The following CDIN1 variants were observed in gnomAD, a reference collection of about 807,000 sequenced individuals.
CDIN1 encodes CDAN1-interacting nuclease 1.
CDIN1 carries 33 observed loss-of-function variants against 45.3 expected under a neutral mutation model. The observed-to-expected ratio is 0.73, with a 90% confidence interval of 0.55 to 0.97. The LOEUF (loss-of-function observed/expected upper bound fraction) is 0.97, where lower values mean the gene tolerates loss of function less well. CDIN1 is among the 50% of genes least tolerant of loss of function. The probability of loss-of-function intolerance (pLI) is 0.00; values close to 1 mark genes in which losing one functional copy is unlikely to be tolerated. For synonymous variants in CDIN1, 118 were observed against 124.4 expected (o/e 0.95, Z 0.34); for missense variants, 303 against 339.4 (o/e 0.89, Z 0.84).
intron 3 of CDIN1, among the ~76,000 whole-genome samples, chr15:36,650,789 A>G (rs534297863): frequency 3.9e-5 from 6 of 152,290 alleles, no homozygotes; most frequent in South Asian, 4.1e-4. Context: ...TCTGTTAACC[A>G]TGATGAAATC....
chr15:36,756,185 A>T (rs2053604871), intron 10 of CDIN1: 1 of 454,012 alleles, frequency 2.2e-6, no homozygotes, highest in Non-Finnish European at 4.4e-6. Flanking sequence ...AGAGAACTGT[A>T]ATTATCTTAA....
intron 10 of CDIN1, among the ~76,000 whole-genome samples, chr15:36,786,473 T>C (rs1354716112): frequency 6.6e-6 from 1 of 152,196 alleles, no homozygotes; most frequent in African/African-American, 2.4e-5. Context: ...TGTGACAATC[T>C]CTCATTTTTA....
At chr15:36,657,749 T>G in intron 4 of CDIN1, 84 bp from the exon 5 acceptor site, 1 of 1,051,350 alleles carries the variant, frequency 9.5e-7, no homozygotes, top group Middle Eastern at 2.0e-4. Context: ...AAAATTGACT[T>G]ATTCTTCAGT....
At chr15:36,717,987 CT>C (rs775744144) in intron 10 of CDIN1, among the ~76,000 whole-genome samples, 3 of 151,500 alleles carry the variant, frequency 2.0e-5, no homozygotes, top group Non-Finnish European at 4.4e-5. Flanking sequence ...GGAAAAGTTT[CT>C]CTTGAAATCT....
intron 10 of CDIN1, among the ~76,000 whole-genome samples, chr15:36,763,122 A>G (rs914803702): frequency 5.4e-4 from 82 of 152,266 alleles, no homozygotes; most frequent in Middle Eastern, 3.4e-3. Context: ...GTGTAAAAGT[A>G]TTCCTATTTC....
At chr15:36,749,222 G>A (rs970247721) in intron 10 of CDIN1, among the ~76,000 whole-genome samples, 1 of 152,158 alleles carries the variant, frequency 6.6e-6, no homozygotes, top group African/African-American at 2.4e-5. Flanking sequence ...TAATTTTAAT[G>A]TATACGATTT....
intron 10 of CDIN1, among the ~76,000 whole-genome samples, chr15:36,728,391 C>T (rs939988672): frequency 1.3e-5 from 2 of 152,008 alleles, no homozygotes; most frequent in Non-Finnish European, 2.9e-5. Context: ...GTGGGTCTGA[C>T]GGGTTACCAA....
chr15:36,696,291 C>CA (rs1566908505), intron 7 of CDIN1: 1 of 152,234 alleles, frequency 6.6e-6, no homozygotes, highest in African/African-American at 2.4e-5. Flanking sequence ...TCTGTACCCA[C>CA]ACCCTAATCC....
chr15:36,805,038 C>G (rs999375955), intron 10 of CDIN1, among the ~76,000 whole-genome samples: 11 of 151,910 alleles, frequency 7.2e-5, no homozygotes, highest in South Asian at 4.2e-4. Context: ...ATCTTTCTTG[C>G]CTTCATGGTC....
chr15:36,700,819 T>C (rs1264355611), intron 8 of CDIN1, among the ~76,000 whole-genome samples: 1 of 151,992 alleles, frequency 6.6e-6, no homozygotes, highest in Non-Finnish European at 1.5e-5. Flanking sequence ...TTTTTGGCCG[T>C]ATCTCAGTAC....
intron 1 of CDIN1, among the ~76,000 whole-genome samples, chr15:36,615,714 A>G (rs754551182): frequency 6.6e-6 from 1 of 152,212 alleles, no homozygotes; most frequent in Non-Finnish European, 1.5e-5. Flanking sequence ...GCAACAACCA[A>G]TGAAAGATTA....
intron 5 of CDIN1, among the ~76,000 whole-genome samples, chr15:36,678,181 T>G (rs1241977907): frequency 6.6e-6 from 1 of 152,202 alleles, no homozygotes; most frequent in Non-Finnish European, 1.5e-5. Flanking sequence ...TTCACTTTTA[T>G]GCAGTGGGAG....
intron 1 of CDIN1, among the ~76,000 whole-genome samples, chr15:36,620,847 C>T (rs1260422794): frequency 6.6e-6 from 1 of 151,976 alleles, no homozygotes; most frequent in Non-Finnish European, 1.5e-5. Flanking sequence ...TATCACCTTC[C>T]TTTCCTCCTC....
At chr15:36,638,311 C>T (rs1189360530) in intron 1 of CDIN1, among the ~76,000 whole-genome samples, 2 of 152,038 alleles carry the variant, frequency 1.3e-5, no homozygotes, top group Non-Finnish European at 2.9e-5. Flanking sequence ...TAAGAGTGGA[C>T]ATCTGAATTT....
At chr15:36,674,442 G>T (rs553699433) in intron 5 of CDIN1, among the ~76,000 whole-genome samples, 81 of 152,188 alleles carry the variant, frequency 5.3e-4, no homozygotes, top group Non-Finnish European at 8.5e-4. Flanking sequence ...TTTGCAAAAA[G>T]ATTTCTTTTA....
chr15:36,709,747 G>T, intron 9 of CDIN1, 109 bp from the exon 10 acceptor site: 1 of 751,778 alleles, frequency 1.3e-6, no homozygotes. Flanking sequence ...ATGATGGTAA[G>T]GGCTAAGCCT....
At chr15:36,782,255 C>G (rs1449045871) in intron 10 of CDIN1, among the ~76,000 whole-genome samples, 2 of 151,772 alleles carry the variant, frequency 1.3e-5, no homozygotes, top group Non-Finnish European at 2.9e-5. Flanking sequence ...AGTTATGTGG[C>G]AAAAACAAAC....
rs1427873459 is a variant in CDIN1, at chr15:36,808,783, A to T, written c.*330A>T. 4.4e-6 allele frequency: 2 copies of T among 456,828 alleles called. No homozygotes were observed. The highest frequency in any genetic ancestry group is 8.6e-6 in the Non-Finnish European group (2 of 232,100). 28.3% of individuals were successfully genotyped at this position (456,828 alleles called of 1,614,324 possible). On this transcript the variant is annotated 3_prime_UTR_variant, in exon 11 of 11. Transcript: ENST00000566621. ...ATGCTGAACAAAAGAAAAAATGTGA[A>T]GACTGAAAGGTGTGATTTTTCAATT...
Position 36,635,440 on chromosome 15 carries a change from A to C in CDIN1, c.102-8838A>C, listed in dbSNP as rs79271917. On this transcript the variant is annotated intron_variant, in intron 1 of 10. Coordinates refer to ENST00000566621, the MANE Select transcript of CDIN1 (RefSeq NM_001321759.2). ...GGTATTTGCAAGACGTGAAACCTGC[A>C]TATCTAGAGGACCAACTTTTTGTAT... Among the ~76,000 whole-genome samples the C allele has an allele frequency of 8.2e-3, 1,242 of 152,300 alleles. 8 individuals carry two copies. Among genetic ancestry groups the C allele is most frequent in the Non-Finnish European group, 0.014 (949 of 68,030 alleles).
Sources: gnomAD v4.1 joint callset for allele counts (sites outside exome capture counted in the v4.1 genomes callset) on GRCh38, gnomAD v4.1.1 for gene constraint, MANE v1.5 for transcripts, NCBI Gene and HGNC (gene_info 2026-07-23, HGNC 2026-07-21) for gene names.